ARHGEF38: variants seen among roughly 807,000 people sequenced by gnomAD.
ARHGEF38 encodes the protein Rho guanine nucleotide exchange factor (GEF) 38.
A neutral mutation model predicts 79.9 loss-of-function variants in ARHGEF38; 79 were observed. The observed-to-expected ratio is 0.99, with a 90% confidence interval of 0.82 to 1.19. The LOEUF (loss-of-function observed/expected upper bound fraction) is 1.19. Among genes scored for constraint, ARHGEF38 ranks in the 50% most tolerant of loss-of-function variants. The pLI, the probability that ARHGEF38 is intolerant of heterozygous loss-of-function variation, is 0.00. For missense variants in ARHGEF38, 962 were observed against 907.2 expected, an observed-to-expected ratio of 1.06 and a Z score of -0.78; for synonymous variants, 366 against 328.3, an observed-to-expected ratio of 1.11 and a Z score of -1.24.
chr4:105,558,709 C>CTAT (rs1425621293), intron 1 of ARHGEF38, among the ~76,000 whole-genome samples: 13 of 152,066 alleles, frequency 8.5e-5, no homozygotes, highest in African/African-American at 3.1e-4. Flanking sequence ...ACTGTTTGAG[C>CTAT]TATTCTACTA....
chr4:105,629,361 T>C lies in ARHGEF38; in HGVS notation c.509-1537T>C, dbSNP rs569911243. On this transcript the variant is annotated intron_variant, in intron 3 of 13. Transcript: ENST00000420470. Reference sequence around the variant, plus strand: ...GGGAAAATCATTTATTTGTTTCAAATTCAGATTTATTCATCCTGAATTAAT... The same window carrying C: ...GGGAAAATCATTTATTTGTTTCAAACTCAGATTTATTCATCCTGAATTAAT... 9.2e-5 allele frequency among the ~76,000 whole-genome samples: 14 copies of C among 152,298 alleles called. No homozygotes were observed. The South Asian group carries it at 2.9e-3, about 32-fold the overall frequency.
intron 3 of ARHGEF38, among the ~76,000 whole-genome samples, chr4:105,621,850 G>C (rs1363618602): frequency 6.6e-6 from 1 of 152,206 alleles, no homozygotes; most frequent in East Asian, 1.9e-4. Flanking sequence ...AATGTATGAG[G>C]TCAGTGCGGA....
At chr4:105,610,396 ATTGAC>A (rs1728241765) in intron 2 of ARHGEF38, among the ~76,000 whole-genome samples, 1 of 152,080 alleles carries the variant, frequency 6.6e-6, no homozygotes, top group African/African-American at 2.4e-5. Context: ...ATTATTATAT[ATTGAC>A]TTGACTTAGA....
chr4:105,673,506 A>C (rs915010580), intron 13 of ARHGEF38, among the ~76,000 whole-genome samples: 14 of 152,128 alleles, frequency 9.2e-5, no homozygotes, highest in African/African-American at 2.9e-4. Context: ...TTTTCCAGCT[A>C]CCTATGATGA....
chr4:105,569,088 T>A (rs1375444158), intron 1 of ARHGEF38, among the ~76,000 whole-genome samples: 1 of 152,174 alleles, frequency 6.6e-6, no homozygotes, highest in Non-Finnish European at 1.5e-5. Flanking sequence ...AACAATGACT[T>A]AGAATTTTAC....
At chr4:105,621,742 T>C (rs908546528) in intron 3 of ARHGEF38, among the ~76,000 whole-genome samples, 1 of 152,200 alleles carries the variant, frequency 6.6e-6, no homozygotes, top group Non-Finnish European at 1.5e-5. Flanking sequence ...TTATTGTGTG[T>C]AAGTGTGTGC....
At chr4:105,637,377 A>G (rs2110527240) in intron 5 of ARHGEF38, among the ~76,000 whole-genome samples, 1 of 152,288 alleles carries the variant, frequency 6.6e-6, no homozygotes, top group South Asian at 2.1e-4. Context: ...GACACCAGAC[A>G]GGCAACCAGT....
chr4:105,657,038 A>G (rs1161752147), intron 9 of ARHGEF38, among the ~76,000 whole-genome samples: 1 of 151,962 alleles, frequency 6.6e-6, no homozygotes, highest in African/African-American at 2.4e-5. Flanking sequence ...TGATAGATAG[A>G]TAGATAGATA....
At chr4:105,666,520 C>T (rs1390560826) in intron 11 of ARHGEF38, among the ~76,000 whole-genome samples, 200 bp downstream of exon 11, 2 of 151,968 alleles carry the variant, frequency 1.3e-5, no homozygotes, top group African/African-American at 2.4e-5. Flanking sequence ...TTGTACATGG[C>T]GTATCCCCAA....
At chr4:105,575,407 C>T (rs567074216) in intron 1 of ARHGEF38, among the ~76,000 whole-genome samples, 1 of 152,046 alleles carries the variant, frequency 6.6e-6, no homozygotes, top group East Asian at 1.9e-4. Context: ...CTAACAATTA[C>T]TGATGTTGAG....
At chr4:105,557,117 G>A (rs1378648492) in intron 1 of ARHGEF38, among the ~76,000 whole-genome samples, 1 of 151,994 alleles carries the variant, frequency 6.6e-6, no homozygotes, top group Non-Finnish European at 1.5e-5. Context: ...AACTCAGAAA[G>A]GGTTTCATAA....
At chr4:105,570,678 T>A (rs1186594728) in intron 1 of ARHGEF38, among the ~76,000 whole-genome samples, 1 of 152,156 alleles carries the variant, frequency 6.6e-6, no homozygotes, top group Non-Finnish European at 1.5e-5. Flanking sequence ...TCCTTATGAT[T>A]CAATTACCTC....
downstream of ARHGEF38, chr4:105,681,066 G>C (rs548184437): frequency 6.6e-5 from 10 of 152,162 alleles, no homozygotes; most frequent in South Asian, 1.4e-3. Context: ...GGAAATTGGG[G>C]TTTATGTCAA....
Position 105,645,315 on chromosome 4 carries a change from C to T in ARHGEF38, c.802C>T (p.Leu268=), listed in dbSNP as rs752465527. The change falls in exon 6 of 14, where the codon CTG becomes TTG. Residue 268 remains leucine, a synonymous_variant. Coordinates refer to ENST00000420470, the MANE Select transcript of ARHGEF38 (RefSeq NM_001242729.2). ...TCCCTCTCACCCAGATTACAGAGCA[C>T]TGGACGATGCCTTTGCTGCTGTGAA... The part of the protein sequence containing the change: ...TPPSHPDYRA[L]DDAFAAVKDI... 53 of 1,536,448 alleles carry T rather than the reference C, an allele frequency of 3.4e-5. 1 individual carries two copies. The Middle Eastern group carries it at 6.7e-4, about 19-fold the overall frequency.
At chr4:105,560,327 T>G (rs1373257381) in intron 1 of ARHGEF38, among the ~76,000 whole-genome samples, 1 of 152,212 alleles carries the variant, frequency 6.6e-6, no homozygotes, top group Non-Finnish European at 1.5e-5. Flanking sequence ...CCTGCTTCAT[T>G]GCGTATCTTG....
intron 2 of ARHGEF38, among the ~76,000 whole-genome samples, chr4:105,591,904 T>C (rs1212717253): frequency 6.6e-6 from 1 of 152,210 alleles, no homozygotes; most frequent in Non-Finnish European, 1.5e-5. Flanking sequence ...GCTACGTATA[T>C]AAATGTTTTC....
intron 2 of ARHGEF38, among the ~76,000 whole-genome samples, chr4:105,605,619 T>C (rs1337885194): frequency 6.6e-6 from 1 of 152,152 alleles, no homozygotes; most frequent in South Asian, 2.1e-4. Flanking sequence ...ATTAGCCAGT[T>C]TCAAATCCAG....
At chr4:105,559,908 C>G (rs1303490890) in intron 1 of ARHGEF38, among the ~76,000 whole-genome samples, 1 of 152,158 alleles carries the variant, frequency 6.6e-6, no homozygotes, top group Non-Finnish European at 1.5e-5. Context: ...CACACTGTTA[C>G]TGAATCCCAA....
At position 105,648,344 on chromosome 4, in the gene ARHGEF38, C is replaced by T. The variant is rs562056566; in HGVS notation, c.875-205C>T. ...ACTTAATCCTTGAGGGGCTTTTGTC[C>T]TTGTTTCTGGAGGTCAGTGGGGTGG... On this transcript the variant is annotated intron_variant, in intron 6 of 13. Coordinates refer to ENST00000420470, the MANE Select transcript of ARHGEF38 (RefSeq NM_001242729.2). 5.6e-4 allele frequency among the ~76,000 whole-genome samples: 85 copies of T among 151,958 alleles called. 1 individual carries two copies. The highest frequency in any genetic ancestry group is 9.7e-4 in the Non-Finnish European group (66 of 67,948).
Sources: gnomAD v4.1 joint callset for allele counts (sites outside exome capture counted in the v4.1 genomes callset) on GRCh38, gnomAD v4.1.1 for gene constraint, MANE v1.5 for transcripts, NCBI Gene and HGNC (gene_info 2026-07-23, HGNC 2026-07-21) for gene names.